PRKG1: variants seen among roughly 807,000 people sequenced by gnomAD.
PRKG1 encodes protein kinase cGMP-dependent 1, also known as cGMP-dependent protein kinase 1.
PRKG1 carries 35 observed loss-of-function variants against 88.1 expected under a neutral mutation model. The ratio of observed to expected loss-of-function variants is 0.40; its 90% CI spans 0.30 to 0.53. The LOEUF is 0.53. Ranked by LOEUF, PRKG1 falls within the 20% of genes least tolerant of loss-of-function variation. PRKG1 has a pLI of 0.59. For missense variants in PRKG1, 540 were observed against 839.8 expected, an observed-to-expected ratio of 0.64 and a Z score of 4.41; for synonymous variants, 303 against 292.5, an observed-to-expected ratio of 1.04 and a Z score of -0.37.
At chr10:51,426,435 A>G (rs900817322) in intron 2 of PRKG1, among the ~76,000 whole-genome samples, 2 of 152,174 alleles carry the variant, frequency 1.3e-5, no homozygotes. Flanking sequence ...CAGTAGGACA[A>G]TGTTTGACCC....
intron 5 of PRKG1, among the ~76,000 whole-genome samples, chr10:52,028,413 A>G (rs961198718): frequency 6.6e-6 from 1 of 152,116 alleles, no homozygotes; most frequent in African/African-American, 2.4e-5. Context: ...AAGCCAGTCA[A>G]TTACTTTTCT....
intron 2 of PRKG1, among the ~76,000 whole-genome samples, chr10:51,368,662 A>G (rs182138402): frequency 6.6e-6 from 1 of 152,252 alleles, no homozygotes; most frequent in East Asian, 1.9e-4. Flanking sequence ...ACTATGAACA[A>G]TAGATTTACT....
At chr10:51,121,575 A>G (rs1845261683) in intron 1 of PRKG1, among the ~76,000 whole-genome samples, 1 of 152,170 alleles carries the variant, frequency 6.6e-6, no homozygotes, top group African/African-American at 2.4e-5. Flanking sequence ...AATCCTCATA[A>G]CAACTCTCTG....
At chr10:51,775,496 A>C (rs1564641858) in intron 3 of PRKG1, among the ~76,000 whole-genome samples, 2 of 152,100 alleles carry the variant, frequency 1.3e-5, no homozygotes, top group Non-Finnish European at 2.9e-5. Context: ...GACTTGCACA[A>C]ATCTGAGTAG....
At chr10:50,998,107 C>T in intron 1 of PRKG1, among the ~76,000 whole-genome samples, 1 of 152,084 alleles carries the variant, frequency 6.6e-6, no homozygotes, top group East Asian at 1.9e-4. Flanking sequence ...CAGTGCTTAG[C>T]CCGGAAAAAG....
chr10:51,020,035 T>C (rs909421366), intron 1 of PRKG1, among the ~76,000 whole-genome samples: 5 of 152,218 alleles, frequency 3.3e-5, no homozygotes, highest in African/African-American at 1.2e-4. Flanking sequence ...TTGGAAGTCT[T>C]GTGTGTTGTT....
At chr10:52,067,541 A>C (rs116889094) in intron 7 of PRKG1, among the ~76,000 whole-genome samples, 1,716 of 152,296 alleles carry the variant, frequency 0.011, 26 homozygotes, top group South Asian at 0.029. Context: ...TGCCTCTAAA[A>C]GTAACAAGCT....
At position 51,821,033 on chromosome 10, in the gene PRKG1, C is replaced by T. The variant is rs920804869; in HGVS notation, c.698+16343C>T. 3.9e-5 allele frequency among the ~76,000 whole-genome samples: 6 copies of T among 152,250 alleles called. No homozygotes were observed. In the East Asian group the frequency reaches 9.7e-4, roughly 24 times the overall value. On this transcript the variant is annotated intron_variant, in intron 4 of 17. Coordinates refer to ENST00000373980, the MANE Select transcript of PRKG1 (RefSeq NM_006258.4). ...AGTTAATCTCCTCTGCCAAAGGTAA[C>T]CACTATTCTGAGTTCTACCATTACA...
At chr10:52,263,897 T>G (rs1041907911) in intron 10 of PRKG1, among the ~76,000 whole-genome samples, 1 of 152,078 alleles carries the variant, frequency 6.6e-6, no homozygotes, top group African/African-American at 2.4e-5. Context: ...TCTCTCAAGA[T>G]TTACCTTTTC....
intron 2 of PRKG1, among the ~76,000 whole-genome samples, chr10:51,336,266 T>G (rs939853598): frequency 2.0e-5 from 3 of 152,002 alleles, no homozygotes; most frequent in Non-Finnish European, 2.9e-5. Context: ...CGCAGGAGAA[T>G]CACTTGACCC....
intron 1 of PRKG1, among the ~76,000 whole-genome samples, chr10:51,052,797 A>C (rs767494952): frequency 5.9e-5 from 9 of 152,226 alleles, no homozygotes; most frequent in Non-Finnish European, 8.8e-5. Flanking sequence ...CTTTCCATGT[A>C]GTTTTTAGCA....
chr10:51,785,950 T>C lies in PRKG1; in HGVS notation c.593-18635T>C, dbSNP rs7899734. ...AACGCATCTGTAGCTAGTAATGACA[T>C]AGGAGTTATAGAACCTGAGCTGTAC... On this transcript the variant is annotated intron_variant, in intron 3 of 17. Transcript: ENST00000373980. Among the ~76,000 whole-genome samples, 184 of 152,280 alleles carry C rather than the reference T, an allele frequency of 1.2e-3. 1 individual carries two copies. Among genetic ancestry groups the C allele is most frequent in the African/African-American group, 4.2e-3 (176 of 41,572 alleles).
Position 51,328,310 on chromosome 10 carries a change from C to T in PRKG1, c.479-139413C>T, listed in dbSNP as rs149109305. Among the ~76,000 whole-genome samples, 1,010 of 152,248 alleles carry T rather than the reference C, an allele frequency of 6.6e-3. 7 individuals carry two copies. The highest frequency in any genetic ancestry group is 0.013 in the Admixed American group (194 of 15,280). On this transcript the variant is annotated intron_variant, in intron 2 of 17. Transcript: ENST00000373980. ...ATGTTGTCTCAAGTGACAAGATTTC[C>T]TTCTTTTTAGAAGGTTGAATAGTAT...
In PRKG1 at chr10:52,051,943, C is replaced by T. The variant is rs192373560; in HGVS notation, c.763-2541C>T. ...AGTTTTACTAATTGAGCTTCATTCA[C>T]GTGGAAGGAAGTATCAAGAGTGGGA... is the stretch of plus-strand genomic sequence containing the variant. On this transcript the variant is annotated intron_variant, in intron 5 of 17. Coordinates refer to ENST00000373980, the MANE Select transcript of PRKG1 (RefSeq NM_006258.4). Among the ~76,000 whole-genome samples, 9 of 150,698 alleles carry T rather than the reference C, an allele frequency of 6.0e-5. No individual in the cohort carries two copies. In the East Asian group the frequency reaches 1.0e-3, roughly 17 times the overall value.
rs534175428 is a variant in PRKG1, at chr10:51,751,872, A to G, written c.593-52713A>G. Among the ~76,000 whole-genome samples the G allele has an allele frequency of 2.6e-5, 4 of 152,232 alleles. No individual in the cohort carries two copies. The South Asian group carries it at 8.3e-4, about 32-fold the overall frequency. On this transcript the variant is annotated intron_variant, in intron 3 of 17. Coordinates refer to ENST00000373980, the MANE Select transcript of PRKG1 (RefSeq NM_006258.4). ...CCTAATCTAGTGCCTGGCCTACATA[A>G]GTATTTGTTGCGTAAAGTAATAAAT... is the stretch of plus-strand genomic sequence containing the variant.
At chr10:51,707,823 C>A (rs1212706583) in intron 3 of PRKG1, among the ~76,000 whole-genome samples, 2 of 152,154 alleles carry the variant, frequency 1.3e-5, no homozygotes, top group Admixed American at 6.5e-5. Context: ...ATTTTAGATT[C>A]ATTATCACAG....
At chr10:52,014,651 A>C (rs10823956) in intron 5 of PRKG1, among the ~76,000 whole-genome samples, 12,052 of 152,310 alleles carry the variant, frequency 0.079, 795 homozygotes, top group East Asian at 0.32. Context: ...AGTTTGAAGT[A>C]TCATCTGAGA....
intron 9 of PRKG1, among the ~76,000 whole-genome samples, chr10:52,232,621 TG>T (rs1316498737): frequency 6.6e-6 from 1 of 152,234 alleles, no homozygotes; most frequent in East Asian, 1.9e-4. Flanking sequence ...ACATTAAGGT[TG>T]GTTCATATTT....
chr10:51,989,012 C>T (rs190707239), intron 5 of PRKG1, among the ~76,000 whole-genome samples: 11 of 152,014 alleles, frequency 7.2e-5, no homozygotes, highest in African/African-American at 2.7e-4. Flanking sequence ...TCTTTTAAAA[C>T]TTTTCATATA....
Sources: allele counts gnomAD v4.1 joint callset (sites outside exome capture counted in the v4.1 genomes callset), GRCh38; gene constraint gnomAD v4.1.1; transcripts MANE v1.5; gene names NCBI Gene and HGNC (gene_info 2026-07-23, HGNC 2026-07-21).